The following KCTD1 variants were observed in gnomAD, a reference collection of about 807,000 sequenced individuals.
KCTD1 encodes the protein BTB/POZ domain-containing protein KCTD1.
In KCTD1, 24 loss-of-function variants were observed where a neutral mutation model predicts 66.0. The ratio of observed to expected loss-of-function variants is 0.36; its 90% CI spans 0.26 to 0.51. The LOEUF (loss-of-function observed/expected upper bound fraction) is 0.51. Ranked by LOEUF, KCTD1 falls within the 20% of genes least tolerant of loss-of-function variation. The pLI is 0.95. For missense variants in KCTD1, 943 were observed against 1,205.2 expected (o/e 0.78, Z 3.22); for synonymous variants, 511 against 517.2 (o/e 0.99, Z 0.16).
At chr18:26,519,873 C>T (rs907477033) in intron 1 of KCTD1, among the ~76,000 whole-genome samples, 5 of 152,274 alleles carry the variant, frequency 3.3e-5, no homozygotes, top group South Asian at 2.1e-4. Flanking sequence ...TCTATATATT[C>T]GGAGCCAATT....
chr18:26,496,210 C>A (rs76742244), intron 2 of KCTD1, among the ~76,000 whole-genome samples: 2 of 152,286 alleles, frequency 1.3e-5, no homozygotes, highest in East Asian at 3.9e-4. Flanking sequence ...GGGTCCAGGG[C>A]AAGAGTGCGA....
intron 1 of KCTD1, chr18:26,600,094 T>TCC (rs1986855410): frequency 6.2e-7 from 1 of 1,610,758 alleles, no homozygotes; most frequent in Admixed American, 1.7e-5. Context: ...AGATCCGGCT[T>TCC]CCCTGCAGGC....
In KCTD1 at chr18:26,515,237, T is replaced by C. The variant is rs144145154; in HGVS notation, c.1810-13987A>G. On this transcript the variant is annotated intron_variant, in intron 1 of 4. Transcript: ENST00000580059. ...ATATGAAGCCATCATTTATGAGATC[T>C]CAGAACTCCAAAGACTTTACGAACA... Among the ~76,000 whole-genome samples the C allele has an allele frequency of 1.8e-3, 279 of 152,292 alleles. 3 individuals carry two copies. The highest frequency in any genetic ancestry group is 6.1e-3 in the African/African-American group (255 of 41,564).
In KCTD1 at chr18:26,574,355, C is replaced by T. The variant is rs1262407627; in HGVS notation, c.-16+54792G>A. On this transcript the variant is annotated intron_variant, in intron 1 of 4. Transcript: ENST00000317932. ...GCATGTTGCCATGGGACTCGTGATG[C>T]CTTTAGGTAGCACAGTATCCTCCAG... Among the ~76,000 whole-genome samples, 17 of 152,152 alleles carry T rather than the reference C, an allele frequency of 1.1e-4. 1 individual carries two copies. The highest frequency in any genetic ancestry group is 1.0e-3 in the Admixed American group (16 of 15,282).
At chr18:26,506,321 A>G (rs1983034961) in intron 1 of KCTD1, among the ~76,000 whole-genome samples, 1 of 152,310 alleles carries the variant, frequency 6.6e-6, no homozygotes, top group Admixed American at 6.5e-5. Flanking sequence ...TGCGACTACA[A>G]TCAGGACAGA....
At chr18:26,520,770 C>T (rs779655116) in intron 1 of KCTD1, among the ~76,000 whole-genome samples, 7 of 152,214 alleles carry the variant, frequency 4.6e-5, no homozygotes, top group Non-Finnish European at 7.3e-5. Context: ...ACTCCTCCTC[C>T]AGCTTGCCTG....
chr18:26,640,961 A>G (rs907637006), upstream of KCTD1, among the ~76,000 whole-genome samples: 2 of 152,156 alleles, frequency 1.3e-5, no homozygotes, highest in African/African-American at 2.4e-5. Flanking sequence ...AGAGTAGCCA[A>G]GATCCCAGAA....
chr18:26,632,804 C>T (rs988945344), upstream of KCTD1, among the ~76,000 whole-genome samples: 9 of 151,952 alleles, frequency 5.9e-5, no homozygotes, highest in South Asian at 2.1e-4. Context: ...CTCAAAACAA[C>T]GTCTGAACAA....
intron 3 of KCTD1, among the ~76,000 whole-genome samples, chr18:26,470,292 C>G (rs1006282162): frequency 6.6e-6 from 1 of 152,142 alleles, no homozygotes; most frequent in African/African-American, 2.4e-5. Context: ...AAAAAAAATC[C>G]CTTTCTCAGC....
intron 3 of KCTD1, among the ~76,000 whole-genome samples, chr18:26,472,235 A>G (rs1981107867): frequency 1.3e-5 from 2 of 152,148 alleles, no homozygotes; most frequent in African/African-American, 4.8e-5. Flanking sequence ...TGGAAATGCA[A>G]TCACCTAAAC....
chr18:26,602,794 T>C (rs1014405932), intron 1 of KCTD1, among the ~76,000 whole-genome samples: 2 of 152,226 alleles, frequency 1.3e-5, no homozygotes, highest in Admixed American at 6.5e-5. Flanking sequence ...GTTCAGCATA[T>C]GCTCACCTGC....
intron 1 of KCTD1, among the ~76,000 whole-genome samples, chr18:26,622,192 AAG>A (rs1987401464): frequency 6.6e-6 from 1 of 152,236 alleles, no homozygotes; most frequent in Non-Finnish European, 1.5e-5. Context: ...AAGAAAAAAA[AAG>A]AGGGTGAGGA....
upstream of KCTD1, chr18:26,548,684 G>A (rs1191555674): frequency 1.8e-5 from 18 of 995,422 alleles, no homozygotes; most frequent in South Asian, 7.6e-4. Flanking sequence ...ATTCCCGAGC[G>A]CAGCTCCGGA....
chr18:26,643,885 T>C (rs7228570), upstream of KCTD1, among the ~76,000 whole-genome samples: 1,423 of 151,878 alleles, frequency 9.4e-3, 8 homozygotes, highest in African/African-American at 0.019. Flanking sequence ...TGGTGTGAAC[T>C]CAGGAGGCGG....
chr18:26,590,649 C>T (rs554679922), intron 1 of KCTD1, among the ~76,000 whole-genome samples: 1 of 152,158 alleles, frequency 6.6e-6, no homozygotes, highest in East Asian at 1.9e-4. Context: ...GCTATTTGCA[C>T]AGCAATGTTA....
chr18:26,462,721 C>T (rs1980502087), intron 3 of KCTD1, among the ~76,000 whole-genome samples: 1 of 152,224 alleles, frequency 6.6e-6, no homozygotes, highest in Non-Finnish European at 1.5e-5. Context: ...ACCTGCAAAG[C>T]AGAGTCAGTC....
At chr18:26,575,981 C>G (rs1241552004) in intron 1 of KCTD1, among the ~76,000 whole-genome samples, 1 of 152,178 alleles carries the variant, frequency 6.6e-6, no homozygotes, top group African/African-American at 2.4e-5. Context: ...GACACATGGA[C>G]GTGTAAGTAA....
intron 1 of KCTD1, among the ~76,000 whole-genome samples, chr18:26,579,787 A>G (rs1986311198): frequency 6.6e-6 from 1 of 151,992 alleles, no homozygotes; most frequent in Non-Finnish European, 1.5e-5. Context: ...CTTGTTTTTG[A>G]CTCCAGCTGG....
At chr18:26,599,370 A>G (rs1198119199) in intron 1 of KCTD1, 26 of 1,594,108 alleles carry the variant, frequency 1.6e-5, no homozygotes, top group Non-Finnish European at 1.4e-5. Flanking sequence ...TCTTTTGGCT[A>G]GCAGTTTTTA....
Sources: allele counts gnomAD v4.1 joint callset (sites outside exome capture counted in the v4.1 genomes callset), GRCh38; gene constraint gnomAD v4.1.1; transcripts MANE v1.5; gene names NCBI Gene and HGNC (gene_info 2026-07-23, HGNC 2026-07-21).